Variants in MMP15 observed in about 807,000 individuals in gnomAD.
The protein encoded by MMP15 is matrix metallopeptidase 15.
A neutral mutation model predicts 65.0 loss-of-function variants in MMP15; 36 were observed. That is an observed-to-expected ratio of 0.55 (90% CI 0.42 to 0.73). The LOEUF is 0.73. Ranked by LOEUF, MMP15 falls within the 30% of genes least tolerant of loss-of-function variation. MMP15 has a pLI of 0.00. For synonymous variants in MMP15, 428 were observed against 410.2 expected (o/e 1.04, Z -0.52); for missense variants, 870 against 987.8 (o/e 0.88, Z 1.60).
intron 7 of MMP15, among the ~76,000 whole-genome samples, 188 bp from the exon 8 acceptor site, chr16:58,043,022 C>A (rs979451542): frequency 6.6e-6 from 1 of 152,114 alleles, no homozygotes; most frequent in Non-Finnish European, 1.5e-5. Flanking sequence ...GACTCTTGCT[C>A]ACGGGAACAA....
At chr16:58,029,816 C>T (rs1445530848) in intron 1 of MMP15, among the ~76,000 whole-genome samples, 1 of 151,944 alleles carries the variant, frequency 6.6e-6, no homozygotes, top group Non-Finnish European at 1.5e-5. Context: ...TATCCCCACC[C>T]CCAAAAGAAG....
At chr16:58,043,715 G>C in intron 9 of MMP15, 88 bp downstream of exon 9, 1 of 940,422 alleles carries the variant, frequency 1.1e-6, no homozygotes, top group Admixed American at 2.8e-5. Context: ...AGGTCACCCG[G>C]CACTGTGATG....
At chr16:58,032,606 T>C (rs1460988287) in intron 1 of MMP15, among the ~76,000 whole-genome samples, 5 of 152,134 alleles carry the variant, frequency 3.3e-5, no homozygotes, top group African/African-American at 1.2e-4. Context: ...GGGCCTGGAG[T>C]GTGCACTCTG....
At position 58,043,238 on chromosome 16, in the gene MMP15, G is replaced by A. The variant is rs375226451; in HGVS notation, c.1332G>A (p.Ala444=). The change falls in exon 8 of 10, where the codon GCG becomes GCA. Residue 444 remains alanine (A), a synonymous_variant. Coordinates refer to ENST00000219271, the MANE Select transcript of MMP15 (RefSeq NM_002428.4). The stretch of plus-strand genomic sequence containing the variant: ...ACCGCTACTGGCTCTTTCGAGAAGC[G>A]AACCTGGAGCCCGGCTACCCACAGC... ...KGDRYWLFRE[A]NLEPGYPQPL... The A allele has an allele frequency of 2.8e-4, 444 of 1,600,774 alleles. No individual in the cohort carries two copies. Among genetic ancestry groups the A allele is most frequent in the Non-Finnish European group, 3.4e-4 (403 of 1,172,928 alleles).
At chr16:58,040,467 A>AG in intron 4 of MMP15, 70 bp from the exon 5 acceptor site, 1 of 1,550,002 alleles carries the variant, frequency 6.5e-7, no homozygotes. Flanking sequence ...CTCAGCCTGG[A>AG]GGGTCCAGGG....
Position 58,026,262 on chromosome 16 carries a change from G to C in MMP15, c.-89G>C. 12 of 1,221,266 alleles carry C rather than the reference G, an allele frequency of 9.8e-6. No individual in the cohort carries two copies. The highest frequency in any genetic ancestry group is 1.1e-5 in the Non-Finnish European group (11 of 976,948). 75.7% of individuals were successfully genotyped at this position (1,221,266 alleles called of 1,614,324 possible). A position where few individuals can be genotyped will look rare whatever the true frequency, so the allele number is the denominator to read the frequency against. On this transcript the variant is annotated 5_prime_UTR_variant, in exon 1 of 10. Transcript: ENST00000219271. ...GCCCGAGGTCCGCGGCGCGCCTGCC[G>C]GGCCAGGAGCCAGGGAGCGTCGCAA...
chr16:58,037,772 G>C lies in MMP15; in HGVS notation c.311+152G>C, dbSNP rs1478155318. 3.4e-6 allele frequency: 4 copies of C among 1,179,880 alleles called. No homozygotes were observed. The East Asian group carries it at 1.0e-4, about 30-fold the overall frequency. The allele number at this position is 1,179,880 out of a possible 1,614,324, so 73.1% of individuals were successfully genotyped here. On this transcript the variant is annotated intron_variant, in intron 2 of 9. Transcript: ENST00000219271. ...CCTCCATGTCACTTCTGATTGGTTG[G>C]AGTGGCTGCCCAAAGCCTTGTATTG...
chr16:58,045,356 G>T lies in MMP15; in HGVS notation c.1920G>T (p.Leu640=), dbSNP rs1387271499. The T allele has an allele frequency of 6.2e-7, 1 of 1,601,966 alleles. No individual in the cohort carries two copies. The highest frequency in any genetic ancestry group is 1.1e-5 in the South Asian group (1 of 88,576). The change falls in exon 10 of 10, where the codon CTG becomes CTT. Residue 640 remains leucine, a synonymous_variant. Transcript: ENST00000219271. ...LVPLLLLLCV[L]GLTYALVQMQ... The stretch of plus-strand genomic sequence containing the variant: ...CACTGCTGCTGCTGCTCTGCGTCCT[G>T]GGCCTCACCTACGCGCTGGTGCAGA...
chr16:58,033,259 T>C (rs1459125935), intron 1 of MMP15, among the ~76,000 whole-genome samples: 1 of 152,188 alleles, frequency 6.6e-6, no homozygotes, highest in Non-Finnish European at 1.5e-5. Context: ...AAAGGTCCAG[T>C]GTCCCCAGCC....
chr16:58,034,493 A>G (rs1959292238), intron 1 of MMP15, among the ~76,000 whole-genome samples: 1 of 152,044 alleles, frequency 6.6e-6, no homozygotes, highest in Non-Finnish European at 1.5e-5. Context: ...TATGGGTGGT[A>G]TTGCTGCCAC....
rs41434246 is a variant in MMP15, at chr16:58,045,300, C to T, written c.1864C>T (p.Arg622Trp). 1.1e-3 allele frequency: 1,791 copies of T among 1,610,556 alleles called. 18 individuals are homozygous for T. In the African/African-American group the frequency reaches 0.021, roughly 18 times the overall value. Residue 622 changes from arginine (R) to tryptophan (W), a missense_variant, in exon 10 of 10, where the codon CGG becomes TGG. Transcript: ENST00000219271. ...RVVVQMEEVA[R>W]TVNVVMVLVP... Reference sequence around the variant, plus strand: ...GGTGGTGCAGATGGAGGAGGTGGCACGGACGGTGAACGTGGTGATGGTGCT... The same window carrying T: ...GGTGGTGCAGATGGAGGAGGTGGCATGGACGGTGAACGTGGTGATGGTGCT...
chr16:58,040,374 AC>A (rs1447251559), intron 4 of MMP15, among the ~76,000 whole-genome samples, 162 bp from the exon 5 acceptor site: 3 of 152,208 alleles, frequency 2.0e-5, no homozygotes, highest in African/African-American at 7.2e-5. Context: ...GGATGATTGT[AC>A]CCATTTCTCA....
At chr16:58,042,480 GCC>G in intron 7 of MMP15, 111 bp downstream of exon 7, 2 of 1,437,748 alleles carry the variant, frequency 1.4e-6, no homozygotes, top group Non-Finnish European at 9.5e-7. Flanking sequence ...CTGGTCCTGT[GCC>G]CCCACTGTGG....
rs892880884 is a variant in MMP15 at position 58,045,264 on chromosome 16, G to A, written c.1828G>A (p.Gly610Ser). The change falls in exon 10 of 10, where the codon GGC (glycine) becomes AGC (serine). Residue 610 changes from glycine (G) to serine (S), a missense_variant. By Grantham distance (56) the Gly-to-Ser change is moderately conservative. Transcript: ENST00000219271. ...DFGAGVNKDG[G>S]SRVVVQMEEV... The stretch of plus-strand genomic sequence containing the variant: ...TGGGGCCGGGGTCAACAAGGACGGG[G>A]GCAGCCGCGTGGTGGTGCAGATGGA... The A allele has an allele frequency of 6.2e-7, 1 of 1,609,546 alleles. No homozygotes were observed. Among genetic ancestry groups the A allele is most frequent in the Admixed American group, 1.7e-5 (1 of 59,616 alleles).
chr16:58,035,235 C>T (rs910010490), intron 1 of MMP15, among the ~76,000 whole-genome samples: 2 of 152,226 alleles, frequency 1.3e-5, no homozygotes, highest in African/African-American at 4.8e-5. Flanking sequence ...AGAGGTTTCC[C>T]GTGCTTGGGA....
At chr16:58,040,353 G>A (rs1016177548) in intron 4 of MMP15, among the ~76,000 whole-genome samples, 171 bp downstream of exon 4, 1 of 152,210 alleles carries the variant, frequency 6.6e-6, no homozygotes, top group Non-Finnish European at 1.5e-5. Context: ...TCTCCAAGGG[G>A]AGGCGAGAAA....
chr16:58,038,434 G>A, intron 3 of MMP15, 40 bp downstream of exon 3: 1 of 1,610,424 alleles, frequency 6.2e-7, no homozygotes, highest in Non-Finnish European at 8.5e-7. Flanking sequence ...CTGCCCCTCG[G>A]CAGGCCGAGC....
At chr16:58,036,308 G>C (rs968863910) in intron 1 of MMP15, among the ~76,000 whole-genome samples, 2 of 152,190 alleles carry the variant, frequency 1.3e-5, no homozygotes, top group African/African-American at 4.8e-5. Context: ...ACCACAGCTC[G>C]GCCTGTCTCT....
chr16:58,041,671 G>A lies in MMP15; in HGVS notation c.965G>A (p.Arg322Gln), dbSNP rs1401021637. Residue 322 changes from arginine (R) to glutamine (Q), a missense_variant, in exon 6 of 10, where the codon CGG becomes CAG. Physicochemically the swap from Arg to Gln is conservative, Grantham distance 43 (BLOSUM62 1). Transcript: ENST00000219271. ...CAGCCTCTCCCCACTGTGACGCCACGGCGGCCAGGCCGGCCTGACCACCGG... is the reference window on the plus strand; with the variant it reads ...CAGCCTCTCCCCACTGTGACGCCACAGCGGCCAGGCCGGCCTGACCACCGG... ...PTQPLPTVTP[R>Q]RPGRPDHRPP... is the part of the protein sequence containing the mutation. The A allele has an allele frequency of 1.4e-5, 22 of 1,580,302 alleles. No individual in the cohort carries two copies. The highest frequency in any genetic ancestry group is 8.0e-5 in the South Asian group (7 of 87,200).
Sources: allele counts gnomAD v4.1 joint callset (sites outside exome capture counted in the v4.1 genomes callset), GRCh38; gene constraint gnomAD v4.1.1; transcripts MANE v1.5; gene names NCBI Gene and HGNC (gene_info 2026-07-23, HGNC 2026-07-21).